FBXW11: variants seen among roughly 807,000 people sequenced by gnomAD.
The protein encoded by FBXW11 is F-box and WD repeat domain containing 11, also known as F-box/WD repeat-containing protein 11.
In FBXW11, 19 loss-of-function variants were observed where a neutral mutation model predicts 77.6. The observed-to-expected ratio is 0.24, with a 90% CI of 0.17 to 0.36. The LOEUF is 0.36. Among genes scored for constraint, FBXW11 ranks in the 10% least tolerant of loss-of-function variants. The probability of loss-of-function intolerance (pLI) is 1.00; values close to 1 mark genes in which losing one functional copy is unlikely to be tolerated. For missense variants in FBXW11, 334 were observed against 704.2 expected (o/e 0.47, Z 5.95); for synonymous variants, 235 against 249.4 (o/e 0.94, Z 0.54).
At position 171,891,604 on chromosome 5, in the gene FBXW11, T is replaced by C. The variant is rs1262556980; in HGVS notation, c.715A>G (p.Thr239Ala). The C allele has an allele frequency of 1.2e-6, 2 of 1,605,356 alleles. No individual in the cohort carries two copies. Among genetic ancestry groups the C allele is most frequent in the Non-Finnish European group, 1.7e-6 (2 of 1,177,524 alleles). ...LYPKIIQDIE[T>A]IESNWRCGRH... is the part of the protein sequence containing the mutation. Reference sequence around the variant, plus strand: ...CCACACCGCCAGTTAGATTCTATAGTCTAGGGAAAAAAGGAGGCAAGAGAT... The same window carrying C: ...CCACACCGCCAGTTAGATTCTATAGCCTAGGGAAAAAAGGAGGCAAGAGAT... The change falls in exon 7 of 14, where the codon ACT (threonine) becomes GCT (alanine). Residue 239 changes from threonine (T) to alanine (A), a missense_variant and splice_region_variant. Around this residue, in one of 10 missense-constraint regions of FBXW11, gnomAD observed 70 missense variants for 136.6 expected, o/e 0.51. Coordinates refer to ENST00000517395, the MANE Select transcript of FBXW11 (RefSeq NM_001378974.1).
chr5:171,944,488 T>A (rs940434618), intron 2 of FBXW11, among the ~76,000 whole-genome samples: 7 of 137,820 alleles, frequency 5.1e-5, no homozygotes, highest in Admixed American at 4.2e-4. Context: ...GGCAGGAGAA[T>A]GGCGTGAACC....
chr5:171,979,076 T>C (rs1765004915), intron 1 of FBXW11, among the ~76,000 whole-genome samples: 1 of 152,132 alleles, frequency 6.6e-6, no homozygotes, highest in Non-Finnish European at 1.5e-5. Flanking sequence ...ATACTCATGC[T>C]CTTAAAAAAA....
rs17569734 is a variant in FBXW11 at position 171,869,850 on chromosome 5, T to C, written c.1452-43A>G. 0.01 allele frequency: 13,578 copies of C among 1,342,374 alleles called. 96 individuals are homozygous for C. The highest frequency in any genetic ancestry group is 0.013 in the Non-Finnish European group (12,150 of 955,398). 83.2% of individuals were successfully genotyped at this position (1,342,374 alleles called of 1,614,324 possible). ...ATGTGATTAGTGGAAAAGTGAACAA[T>C]TTATATGCTGTCAAACATTTCCTTG... On this transcript the variant is annotated intron_variant, in intron 11 of 13. Coordinates refer to ENST00000517395, the MANE Select transcript of FBXW11 (RefSeq NM_001378974.1). The surrounding 1 kb of genome is among the most constrained non-coding windows in gnomAD (Gnocchi z 4.1).
chr5:171,963,220 TACAC>T (rs1368351872), intron 1 of FBXW11, among the ~76,000 whole-genome samples: 2 of 151,758 alleles, frequency 1.3e-5, no homozygotes, highest in African/African-American at 4.8e-5. Context: ...TATATATACA[TACAC>T]ACACAAATAT....
At chr5:171,956,854 G>C (rs1561720553) in intron 2 of FBXW11, among the ~76,000 whole-genome samples, 1 of 152,190 alleles carries the variant, frequency 6.6e-6, no homozygotes, top group Non-Finnish European at 1.5e-5. Flanking sequence ...CAGAGCTTCA[G>C]AAATAAAGCT....
chr5:171,957,722 A>C (rs1237089787), intron 1 of FBXW11, 24 bp from the exon 2 acceptor site: 2 of 1,603,428 alleles, frequency 1.2e-6, no homozygotes, highest in South Asian at 2.2e-5. Context: ...AAAAGGAAGG[A>C]AGAGAAGAAG....
rs542674335 is a variant in FBXW11, at chr5:171,896,163, C to A, written c.714+2841G>T. ...AACATTTCCTTTCTCCTCATCAGAGCCAAATCTGGGAACGTACAGATTACA... is the reference window on the plus strand; with the variant it reads ...AACATTTCCTTTCTCCTCATCAGAGACAAATCTGGGAACGTACAGATTACA... On this transcript the variant is annotated intron_variant, in intron 6 of 13. Transcript: ENST00000517395. Among the ~76,000 whole-genome samples, 58 of 152,212 alleles carry A rather than the reference C, an allele frequency of 3.8e-4. 3 individuals carry two copies. In the South Asian group the frequency reaches 0.011, roughly 28 times the overall value.
chr5:171,878,526 G>A (rs1347362329), intron 7 of FBXW11, among the ~76,000 whole-genome samples: 1 of 151,202 alleles, frequency 6.6e-6, no homozygotes, highest in Non-Finnish European at 1.5e-5. Context: ...ACCAGCCTGG[G>A]CAACATACCA....
chr5:171,884,311 T>C (rs974308355), intron 7 of FBXW11, among the ~76,000 whole-genome samples: 4 of 152,208 alleles, frequency 2.6e-5, no homozygotes, highest in South Asian at 2.1e-4. Flanking sequence ...TTCCCCACTT[T>C]TATATTTTTG....
chr5:171,987,056 T>C (rs1765483739), intron 1 of FBXW11, among the ~76,000 whole-genome samples: 1 of 152,202 alleles, frequency 6.6e-6, no homozygotes, highest in African/African-American at 2.4e-5. Flanking sequence ...GGATCTACGT[T>C]GCATGCTCTT....
chr5:171,996,515 T>A (rs1432546999), intron 1 of FBXW11, among the ~76,000 whole-genome samples: 3 of 152,036 alleles, frequency 2.0e-5, no homozygotes, highest in Non-Finnish European at 4.4e-5. Flanking sequence ...AAAAAGAAAT[T>A]AGCTGAGCAT....
At chr5:171,913,258 CAA>C (rs1455431847) in intron 3 of FBXW11, among the ~76,000 whole-genome samples, 1 of 152,142 alleles carries the variant, frequency 6.6e-6, no homozygotes, top group African/African-American at 2.4e-5. Context: ...ATTTGATAAA[CAA>C]AAGTGTTATT....
At position 171,927,870 on chromosome 5, in the gene FBXW11, G is replaced by A. The variant is rs145478734; in HGVS notation, c.148-13465C>T. ...TGAGATCCAAAAGGATGGCTGAACT[G>A]AATTTCCTTTGCGAATTCCTTGACT... On this transcript the variant is annotated intron_variant, in intron 2 of 13. Transcript: ENST00000517395. Among the ~76,000 whole-genome samples the A allele has an allele frequency of 3.3e-5, 5 of 152,336 alleles. No individual in the cohort carries two copies. In the East Asian group the frequency reaches 7.7e-4, roughly 23 times the overall value.
At chr5:171,877,860 A>C in intron 8 of FBXW11, 151 bp downstream of exon 8, 1 of 646,202 alleles carries the variant, frequency 1.5e-6, no homozygotes. Context: ...TTTCCTGCCT[A>C]ATTTGCGCAA....
chr5:171,944,711 T>A (rs1229599376), intron 2 of FBXW11, among the ~76,000 whole-genome samples: 2 of 151,908 alleles, frequency 1.3e-5, no homozygotes, highest in African/African-American at 4.8e-5. Context: ...AATTTTACAA[T>A]CAAAAGAGAA....
intron 7 of FBXW11, among the ~76,000 whole-genome samples, chr5:171,878,591 T>TGTG (rs1561640265): frequency 0.06 from 5,700 of 95,446 alleles, 226 homozygotes; most frequent in East Asian, 0.16. Context: ...TGTGTGTGTG[T>TGTG]AAGAGAGAGA....
At chr5:171,989,403 C>T (rs1406175717) in intron 1 of FBXW11, among the ~76,000 whole-genome samples, 3 of 152,218 alleles carry the variant, frequency 2.0e-5, no homozygotes, top group African/African-American at 7.2e-5. Flanking sequence ...TTGCTCATAA[C>T]GGGATAACCC....
At chr5:171,934,482 G>A (rs1375222766) in intron 2 of FBXW11, among the ~76,000 whole-genome samples, 8 of 151,988 alleles carry the variant, frequency 5.3e-5, no homozygotes. Context: ...TTCAAGACCA[G>A]CCTGGGTAAA....
At chr5:171,922,912 TGTGTGTGTGC>T (rs1761675160) in intron 2 of FBXW11, among the ~76,000 whole-genome samples, 1 of 151,948 alleles carries the variant, frequency 6.6e-6, no homozygotes, top group Non-Finnish European at 1.5e-5. Flanking sequence ...TGTGCGTGTG[TGTGTGTGTGC>T]GTGTGTGTGT....
Sources: allele counts gnomAD v4.1 joint callset (sites outside exome capture counted in the v4.1 genomes callset), GRCh38; gene constraint gnomAD v4.1.1; regional missense constraint gnomAD v4.1.1; non-coding constraint Gnocchi (gnomAD v3.1); transcripts MANE v1.5; gene names NCBI Gene and HGNC (gene_info 2026-07-23, HGNC 2026-07-21).